ZSWIM3: variants seen among roughly 807,000 people sequenced by gnomAD.
ZSWIM3 encodes zinc finger SWIM-type containing 3.
In ZSWIM3, 27 loss-of-function variants were observed where a neutral mutation model predicts 47.5. The ratio of observed to expected loss-of-function variants is 0.57; its 90% CI spans 0.42 to 0.78. The LOEUF is 0.78. Ranked by LOEUF, ZSWIM3 falls within the 30% of genes least tolerant of loss-of-function variation. The probability of loss-of-function intolerance (pLI) is 0.00; values close to 1 mark genes in which losing one functional copy is unlikely to be tolerated. For missense variants in ZSWIM3, 689 were observed against 861.3 expected (o/e 0.80, Z 2.50); for synonymous variants, 333 against 333.9 (o/e 1.00, Z 0.03).
chr20:45,862,562 G>A (rs147688975), intron 1 of ZSWIM3, among the ~76,000 whole-genome samples: 4,017 of 151,918 alleles, frequency 0.026, 194 homozygotes, highest in African/African-American at 0.092. Flanking sequence ...TGCAATCTTG[G>A]CTCACTGCAA....
At chr20:45,869,966 C>T (rs1279316925) in intron 1 of ZSWIM3, among the ~76,000 whole-genome samples, 7 of 149,742 alleles carry the variant, frequency 4.7e-5, no homozygotes, top group African/African-American at 4.9e-5. Context: ...ATCGCTGGAA[C>T]CCAGGAGGCG....
intron 1 of ZSWIM3, among the ~76,000 whole-genome samples, chr20:45,872,318 G>T (rs1316427276): frequency 6.6e-6 from 1 of 152,216 alleles, no homozygotes; most frequent in Non-Finnish European, 1.5e-5. Flanking sequence ...TCCCGCCCTG[G>T]GAGGGGCAGA....
Position 45,877,646 on chromosome 20 carries a change from T to A in ZSWIM3, c.1088T>A (p.Phe363Tyr), listed in dbSNP as rs1986135675. 3 of 1,614,146 alleles carry A rather than the reference T, an allele frequency of 1.9e-6. No homozygotes were observed. Among genetic ancestry groups the A allele is most frequent in the Non-Finnish European group, 2.5e-6 (3 of 1,180,016 alleles). Residue 363 changes from phenylalanine to tyrosine, a missense_variant, in exon 2 of 2, where the codon TTC (phenylalanine) becomes TAC (tyrosine). Coordinates refer to ENST00000255152, the MANE Select transcript of ZSWIM3 (RefSeq NM_080752.4). ...MSQAVLDEDL[F>Y]NFLQAHWFTC... is the part of the protein sequence containing the mutation. ...CAGGCCGTACTGGATGAGGATCTCT[T>A]CAACTTCCTGCAGGCCCACTGGTTC...
At chr20:45,867,056 G>A (rs574260301) in intron 1 of ZSWIM3, among the ~76,000 whole-genome samples, 3 of 142,270 alleles carry the variant, frequency 2.1e-5, no homozygotes, top group Non-Finnish European at 4.5e-5. Context: ...ACCCAGGCTG[G>A]AGTGCAGTGA....
intron 1 of ZSWIM3, among the ~76,000 whole-genome samples, chr20:45,860,360 C>A (rs919534743): frequency 6.6e-6 from 1 of 151,906 alleles, no homozygotes; most frequent in Non-Finnish European, 1.5e-5. Flanking sequence ...ACTAAAAATA[C>A]AAAAATTAGC....
chr20:45,865,040 G>A (rs537710302), intron 1 of ZSWIM3, among the ~76,000 whole-genome samples: 31 of 151,004 alleles, frequency 2.1e-4, no homozygotes, highest in African/African-American at 6.1e-4. Context: ...GCATGTAGCC[G>A]GGGCGCAGTG....
At chr20:45,874,389 G>C (rs371646760) in intron 1 of ZSWIM3, among the ~76,000 whole-genome samples, 1 of 152,278 alleles carries the variant, frequency 6.6e-6, no homozygotes, top group South Asian at 2.1e-4. Context: ...CTGCATGCCT[G>C]TCATCCCAGC....
Position 45,877,544 on chromosome 20 carries a change from G to C in ZSWIM3, c.986G>C (p.Arg329Thr), listed in dbSNP as rs1340760086. ...AGTTCAGCAAATCCATCCTTTAAAAGGCTCATGAAGGAAGCCCTGCGGGAG... is the reference window on the plus strand; with the variant it reads ...AGTTCAGCAAATCCATCCTTTAAAACGCTCATGAAGGAAGCCCTGCGGGAG... The part of the protein sequence containing the change: ...HRSSANPSFK[R>T]LMKEALREAV... Residue 329 changes from arginine (R) to threonine (T), a missense_variant, in exon 2 of 2, where the codon AGG becomes ACG. Arg to Thr is a moderately conservative substitution (Grantham distance 71). Coordinates refer to ENST00000255152, the MANE Select transcript of ZSWIM3 (RefSeq NM_080752.4). 6.2e-7 allele frequency: 1 copy of C among 1,614,058 alleles called. No individual in the cohort carries two copies. Among genetic ancestry groups the C allele is most frequent in the Non-Finnish European group, 8.5e-7 (1 of 1,180,040 alleles).
chr20:45,866,344 A>G (rs1985842688), intron 1 of ZSWIM3, among the ~76,000 whole-genome samples: 1 of 152,218 alleles, frequency 6.6e-6, no homozygotes, highest in South Asian at 2.1e-4. Context: ...ATGGGTGGCT[A>G]TGGCAGATGT....
intron 1 of ZSWIM3, among the ~76,000 whole-genome samples, chr20:45,870,119 A>G (rs6104376): frequency 0.51 from 76,920 of 149,522 alleles, 20,365 homozygotes; most frequent in Admixed American, 0.6. Context: ...TAAGGCAGGC[A>G]GATCACGAGG....
chr20:45,875,061 CAG>C (rs1986058956), intron 1 of ZSWIM3, among the ~76,000 whole-genome samples: 2 of 63,270 alleles, frequency 3.2e-5, no homozygotes, highest in East Asian at 4.5e-4. Context: ...TTTTTTTTGA[CAG>C]AGTCTCACTC....
intron 1 of ZSWIM3, among the ~76,000 whole-genome samples, chr20:45,859,346 C>T (rs1274730903): frequency 6.8e-6 from 1 of 146,774 alleles, no homozygotes; most frequent in East Asian, 2.0e-4. Context: ...AATAAGTGTT[C>T]AAACTATCCC....
At chr20:45,864,399 G>T (rs1485118171) in intron 1 of ZSWIM3, among the ~76,000 whole-genome samples, 2 of 152,140 alleles carry the variant, frequency 1.3e-5, no homozygotes, top group Non-Finnish European at 2.9e-5. Flanking sequence ...GGGTGTCTTG[G>T]GGGACTGGAG....
chr20:45,859,519 T>A (rs557855554), intron 1 of ZSWIM3, among the ~76,000 whole-genome samples: 2 of 151,978 alleles, frequency 1.3e-5, no homozygotes, highest in South Asian at 4.2e-4. Context: ...ATGGTTTCCC[T>A]GGGCTGTGAA....
chr20:45,864,577 C>A (rs888203442), intron 1 of ZSWIM3, among the ~76,000 whole-genome samples: 1 of 152,156 alleles, frequency 6.6e-6, no homozygotes, highest in Non-Finnish European at 1.5e-5. Context: ...TAAAGAAAAC[C>A]ATTTACAGCT....
At chr20:45,872,089 T>C (rs1173602710) in intron 1 of ZSWIM3, among the ~76,000 whole-genome samples, 2 of 152,182 alleles carry the variant, frequency 1.3e-5, no homozygotes, top group African/African-American at 4.8e-5. Context: ...AATCCCAGAT[T>C]CTCATCCTTG....
rs376599821 is a variant in ZSWIM3, at chr20:45,857,802, C to G, written c.-24C>G. On this transcript the variant is annotated 5_prime_UTR_variant, in exon 1 of 2. Coordinates refer to ENST00000255152, the MANE Select transcript of ZSWIM3 (RefSeq NM_080752.4). ...CTTGGGCCCGGGCTGGGACCAGCCC[C>G]TAGTGTGGGTTGTGGGGGCGGCCAT... is the stretch of plus-strand genomic sequence containing the variant. 1.1e-5 allele frequency: 18 copies of G among 1,612,228 alleles called. No individual in the cohort carries two copies. The African/African-American group carries it at 2.4e-4, about 21-fold the overall frequency.
intron 1 of ZSWIM3, among the ~76,000 whole-genome samples, chr20:45,862,454 T>C (rs1216722642): frequency 6.6e-6 from 1 of 151,834 alleles, no homozygotes; most frequent in African/African-American, 2.4e-5. Context: ...GCATTATCTT[T>C]TTTATCTATT....
At position 45,878,451 on chromosome 20, in the gene ZSWIM3, G is replaced by A. The variant is rs1156759045; in HGVS notation, c.1893G>A (p.Met631Ile). ...GCAGGGAGTTAGCAAACCTGCTCAT[G>A]CAGACCGAGGGGCCAGAGCTGGAGG... The part of the protein sequence containing the change: ...DLSRELANLL[M>I]QTEGPELEER... The change falls in exon 2 of 2, where the codon ATG (methionine) becomes ATA (isoleucine). Residue 631 changes from methionine (M) to isoleucine (I), a missense_variant. Transcript: ENST00000255152. 1.2e-6 allele frequency: 2 copies of A among 1,614,120 alleles called. No individual in the cohort carries two copies. The highest frequency in any genetic ancestry group is 1.1e-5 in the South Asian group (1 of 91,092).
Sources: gnomAD v4.1 joint callset for allele counts (sites outside exome capture counted in the v4.1 genomes callset) on GRCh38, gnomAD v4.1.1 for gene constraint, MANE v1.5 for transcripts, NCBI Gene and HGNC (gene_info 2026-07-23, HGNC 2026-07-21) for gene names.